The following MED12L variants were observed in gnomAD, a reference collection of about 807,000 sequenced individuals.
The protein encoded by MED12L is mediator complex subunit 12L.
MED12L carries 60 observed loss-of-function variants against 281.3 expected under a neutral mutation model. That is an observed-to-expected ratio of 0.21 (90% CI 0.17 to 0.26). MED12L has a LOEUF of 0.26. Among genes scored for constraint, MED12L ranks in the 10% least tolerant of loss-of-function variants. The probability of loss-of-function intolerance (pLI) is 1.00; values close to 1 mark genes in which losing one functional copy is unlikely to be tolerated. For synonymous variants in MED12L, 974 were observed against 987.2 expected, an observed-to-expected ratio of 0.99 and a Z score of 0.25; for missense variants, 2,146 against 2,680.9, an observed-to-expected ratio of 0.80 and a Z score of 4.41.
intron 16 of MED12L, among the ~76,000 whole-genome samples, chr3:151,296,418 G>A (rs1341191173): frequency 3.3e-5 from 5 of 152,214 alleles, no homozygotes; most frequent in African/African-American, 4.8e-5. Flanking sequence ...CACGCTTCCC[G>A]CGGACTGCTC....
intron 17 of MED12L, among the ~76,000 whole-genome samples, chr3:151,354,547 A>G (rs1753682163): frequency 6.6e-6 from 1 of 152,318 alleles, no homozygotes; most frequent in East Asian, 1.9e-4. Context: ...GATTAAGTCA[A>G]AGTGAGCCCA....
intron 13 of MED12L, among the ~76,000 whole-genome samples, chr3:151,190,235 G>A (rs1412262556): frequency 1.3e-5 from 2 of 151,094 alleles, no homozygotes; most frequent in Non-Finnish European, 2.9e-5. Flanking sequence ...ACAGTGGCAC[G>A]ATCTTGGCTC....
At chr3:151,302,665 C>G (rs1437185545) in intron 16 of MED12L, among the ~76,000 whole-genome samples, 3 of 152,122 alleles carry the variant, frequency 2.0e-5, no homozygotes, top group Non-Finnish European at 4.4e-5. Flanking sequence ...GAGTTTAATT[C>G]CCTACTTTTC....
At chr3:151,399,200 T>C (rs1715351371) in intron 39 of MED12L, among the ~76,000 whole-genome samples, 1 of 152,206 alleles carries the variant, frequency 6.6e-6, no homozygotes. Context: ...AGTTGTGAAG[T>C]TAATGATTAA....
chr3:151,117,738 T>C (rs1412261788), intron 3 of MED12L, among the ~76,000 whole-genome samples: 1 of 152,110 alleles, frequency 6.6e-6, no homozygotes. Context: ...ATACTCAGAA[T>C]GTTGTGCTCA....
chr3:151,301,688 A>C (rs1193881028), intron 16 of MED12L, among the ~76,000 whole-genome samples: 1 of 152,226 alleles, frequency 6.6e-6, no homozygotes, highest in Non-Finnish European at 1.5e-5. Flanking sequence ...TCAAATGAGA[A>C]CCACAGTGCT....
At chr3:151,145,018 G>C (rs1223279882) in intron 5 of MED12L, among the ~76,000 whole-genome samples, 2 of 152,096 alleles carry the variant, frequency 1.3e-5, no homozygotes, top group Admixed American at 6.5e-5. Flanking sequence ...CTGGGCCCTC[G>C]CTCTGTGCCA....
intron 42 of MED12L, among the ~76,000 whole-genome samples, chr3:151,413,830 T>C (rs887311375): frequency 1.3e-5 from 2 of 152,148 alleles, no homozygotes; most frequent in Non-Finnish European, 2.9e-5. Flanking sequence ...TTATTTGATG[T>C]ACATTTTAAG....
At chr3:151,320,403 A>C (rs1342086821) in intron 16 of MED12L, among the ~76,000 whole-genome samples, 1 of 152,208 alleles carries the variant, frequency 6.6e-6, no homozygotes, top group Non-Finnish European at 1.5e-5. Flanking sequence ...CAAGGATTAT[A>C]GTAAAACCTT....
chr3:151,293,947 G>C, intron 16 of MED12L: 1 of 522,594 alleles, frequency 1.9e-6, no homozygotes, highest in Non-Finnish European at 3.4e-6. Context: ...CTTTCACTCT[G>C]CTCCTCAGAC....
rs1416417418 is a variant in MED12L at position 151,293,619 on chromosome 3, G to A, written c.2251-56440G>A. On this transcript the variant is annotated intron_variant, in intron 16 of 44. Coordinates refer to ENST00000687756, the MANE Select transcript of MED12L (RefSeq NM_001393769.1). Reference sequence around the variant, plus strand: ...CACACACACACACACACACACACACGGTCCTAAAATGAAGCCCTTACACAC... The same window carrying A: ...CACACACACACACACACACACACACAGTCCTAAAATGAAGCCCTTACACAC... Among the ~76,000 whole-genome samples the A allele has an allele frequency of 2.6e-3, 67 of 25,514 alleles. 1 individual carries two copies. The highest frequency in any genetic ancestry group is 9.1e-3 in the African/African-American group (63 of 6,918). The allele number at this position is 25,514 out of a possible 152,430, so 16.7% of individuals were successfully genotyped here.
chr3:151,151,769 C>T (rs1039641731), intron 5 of MED12L, among the ~76,000 whole-genome samples: 8 of 152,048 alleles, frequency 5.3e-5, no homozygotes, highest in African/African-American at 1.9e-4. Flanking sequence ...ATAATAATAA[C>T]TGAAAAGTTT....
chr3:151,165,406 C>G lies in MED12L; in HGVS notation c.1258-14C>G. 1.9e-6 allele frequency: 3 copies of G among 1,605,136 alleles called. No homozygotes were observed. Among genetic ancestry groups the G allele is most frequent in the Non-Finnish European group, 2.6e-6 (3 of 1,172,116 alleles). On this transcript the variant is annotated splice_polypyrimidine_tract_variant and intron_variant, in intron 9 of 44. Transcript: ENST00000687756. ...ATTCCAAGCACAAGTTAATTAGAAGCGATTATCTTTCAGGTTCGGGCAAGG... is the reference window on the plus strand; with the variant it reads ...ATTCCAAGCACAAGTTAATTAGAAGGGATTATCTTTCAGGTTCGGGCAAGG...
intron 5 of MED12L, among the ~76,000 whole-genome samples, chr3:151,140,412 C>A (rs2148860292): frequency 6.6e-6 from 1 of 152,300 alleles, no homozygotes; most frequent in Admixed American, 6.5e-5. Flanking sequence ...TCTCCCCCTC[C>A]ACCAGCCTCT....
chr3:151,130,894 A>G (rs1252133305), intron 5 of MED12L, among the ~76,000 whole-genome samples: 1 of 152,184 alleles, frequency 6.6e-6, no homozygotes, highest in African/African-American at 2.4e-5. Context: ...CCCAAGTACA[A>G]CACAGGCTCC....
At chr3:151,111,436 G>A (rs1191792067) in intron 2 of MED12L, among the ~76,000 whole-genome samples, 4 of 152,126 alleles carry the variant, frequency 2.6e-5, no homozygotes, top group East Asian at 3.9e-4. Context: ...TTGAGGAAAC[G>A]GAGGCACAGC....
intron 16 of MED12L, among the ~76,000 whole-genome samples, chr3:151,224,009 A>G (rs1010469085): frequency 1.3e-5 from 2 of 152,184 alleles, no homozygotes; most frequent in African/African-American, 4.8e-5. Context: ...TAAATTCTGA[A>G]TCAAATATGC....
intron 5 of MED12L, among the ~76,000 whole-genome samples, chr3:151,151,031 C>CTTTTTGTTTTTTTTTTTTTT (rs1718401255): frequency 9.1e-5 from 3 of 32,880 alleles, no homozygotes; most frequent in South Asian, 1.5e-3. Context: ...GCTGAAGTAG[C>CTTTTTGTTTTTTTTTTTTTT]TTTTTTTTTT....
At chr3:151,096,061 C>A (rs1002076075) in intron 2 of MED12L, among the ~76,000 whole-genome samples, 3 of 152,178 alleles carry the variant, frequency 2.0e-5, no homozygotes, top group African/African-American at 7.2e-5. Context: ...CCTTAGTTTT[C>A]TATCTTTGGA....
Sources: gnomAD v4.1 joint callset for allele counts (sites outside exome capture counted in the v4.1 genomes callset) on GRCh38, gnomAD v4.1.1 for gene constraint, MANE v1.5 for transcripts, NCBI Gene and HGNC (gene_info 2026-07-23, HGNC 2026-07-21) for gene names.